Variants in KIF18A observed in about 807,000 individuals in gnomAD.
KIF18A encodes kinesin family member 18A.
In KIF18A, 67 loss-of-function variants were observed where a neutral mutation model predicts 103.3. The ratio of observed to expected loss-of-function variants is 0.65; its 90% CI spans 0.53 to 0.79. The LOEUF (loss-of-function observed/expected upper bound fraction) is 0.79, where lower values mean the gene tolerates loss of function less well. KIF18A is among the 30% of genes least tolerant of loss of function. The probability of loss-of-function intolerance (pLI) is 0.00; values close to 1 mark genes in which losing one functional copy is unlikely to be tolerated. For missense variants in KIF18A, 1,032 were observed against 1,062.5 expected (o/e 0.97, Z 0.40); for synonymous variants, 367 against 355.5 (o/e 1.03, Z -0.36).
At chr11:28,055,055 T>A (rs1850760912) in intron 13 of KIF18A, among the ~76,000 whole-genome samples, 3 of 152,120 alleles carry the variant, frequency 2.0e-5, no homozygotes, top group Admixed American at 1.3e-4. Flanking sequence ...AAAAAATGAA[T>A]CATGCCCGAA....
At chr11:28,025,369 G>A in intron 15 of KIF18A, among the ~76,000 whole-genome samples, 1 of 151,840 alleles carries the variant, frequency 6.6e-6, no homozygotes, top group Admixed American at 6.6e-5. Flanking sequence ...ATCATTTGGT[G>A]ATTTTATTTT....
intron 15 of KIF18A, 104 bp downstream of exon 15, chr11:28,035,283 T>C (rs1850469985): frequency 6.3e-6 from 3 of 477,624 alleles, no homozygotes; most frequent in South Asian, 7.0e-5. Flanking sequence ...TGCTTAAACA[T>C]GAATTGAGAG....
In KIF18A at chr11:28,033,771, C is replaced by T. The variant is rs563908636; in HGVS notation, c.2504+1616G>A. 2.4e-4 allele frequency among the ~76,000 whole-genome samples: 36 copies of T among 150,920 alleles called. 2 individuals are homozygous for T. Among genetic ancestry groups the T allele is most frequent in the African/African-American group, 5.6e-4 (23 of 41,190 alleles). ...GGGGGGATGCTTAATCTAAATATAA[C>T]GAATAAGATCTAGTATTTGATAGCA... On this transcript the variant is annotated intron_variant, in intron 15 of 16. Coordinates refer to ENST00000263181, the MANE Select transcript of KIF18A (RefSeq NM_031217.4).
intron 13 of KIF18A, among the ~76,000 whole-genome samples, chr11:28,056,321 G>A (rs1445372210): frequency 6.6e-6 from 1 of 151,794 alleles, no homozygotes; most frequent in Non-Finnish European, 1.5e-5. Context: ...TGGAAATATA[G>A]CGACTGAAAT....
intron 13 of KIF18A, among the ~76,000 whole-genome samples, chr11:28,050,703 A>G (rs1396922684): frequency 1.3e-5 from 2 of 151,848 alleles, no homozygotes; most frequent in Non-Finnish European, 2.9e-5. Context: ...ATTTAATGTC[A>G]GAAATTTTAT....
In KIF18A at chr11:28,026,365, A is replaced by G. The variant is rs1348887836; in HGVS notation, c.2505-2515T>C. ...TATATAAAGCTGCTAAATGGAAAATACCACAGTTTATTACTCTGAAGCGCA... is the reference window on the plus strand; with the variant it reads ...TATATAAAGCTGCTAAATGGAAAATGCCACAGTTTATTACTCTGAAGCGCA... On this transcript the variant is annotated intron_variant, in intron 15 of 16. Coordinates refer to ENST00000263181, the MANE Select transcript of KIF18A (RefSeq NM_031217.4). Among the ~76,000 whole-genome samples, 3 of 151,798 alleles carry G rather than the reference A, an allele frequency of 2.0e-5. No homozygotes were observed. In the East Asian group the frequency reaches 5.8e-4, roughly 29 times the overall value.
chr11:28,091,355 G>T, intron 4 of KIF18A, 54 bp downstream of exon 4: 1 of 941,690 alleles, frequency 1.1e-6, no homozygotes, highest in Non-Finnish European at 1.7e-6. Flanking sequence ...GGTGAAAATA[G>T]CTTAATAGTC....
chr11:28,101,463 T>C (rs1421792191), intron 1 of KIF18A, among the ~76,000 whole-genome samples: 2 of 152,122 alleles, frequency 1.3e-5, no homozygotes, highest in Admixed American at 6.5e-5. Context: ...TCATGACAAC[T>C]ATTACATGTT....
chr11:28,036,649 C>G lies in KIF18A; in HGVS notation c.1964G>C (p.Gly655Ala), dbSNP rs1327978894. The G allele has an allele frequency of 6.3e-7, 1 of 1,593,594 alleles. No individual in the cohort carries two copies. The highest frequency in any genetic ancestry group is 8.6e-7 in the Non-Finnish European group (1 of 1,168,254). The change falls in exon 14 of 17, where the codon GGA becomes GCA. Residue 655 changes from glycine to alanine, a missense_variant. Gly to Ala is a moderately conservative substitution (Grantham distance 60, BLOSUM62 0). Transcript: ENST00000263181. ...TGTAGGAATCTTAACCAGATTAGTT[C>G]CACCTGAAGATGAGCCTATTCAAAA... ...QPIPCCSSSG[G>A]TNLVKIPTEK...
At chr11:28,071,434 TTTTTA>T (rs1851011836) in intron 10 of KIF18A, among the ~76,000 whole-genome samples, 1 of 150,530 alleles carries the variant, frequency 6.6e-6, no homozygotes, top group Non-Finnish European at 1.5e-5. Context: ...CCACACATAA[TTTTTA>T]TTTTAATTAT....
At chr11:28,026,541 T>G (rs1850323764) in intron 15 of KIF18A, among the ~76,000 whole-genome samples, 2 of 151,938 alleles carry the variant, frequency 1.3e-5, no homozygotes, top group Admixed American at 1.3e-4. Context: ...AGAAATCAAG[T>G]TACTTTCTTT....
chr11:28,091,279 A>C (rs1851300962), intron 4 of KIF18A, 130 bp downstream of exon 4: 2 of 565,824 alleles, frequency 3.5e-6, no homozygotes, highest in Non-Finnish European at 6.3e-6. Context: ...AATATACCCT[A>C]ATCATTTAAA....
At chr11:28,055,263 A>G (rs923373153) in intron 13 of KIF18A, among the ~76,000 whole-genome samples, 5 of 152,208 alleles carry the variant, frequency 3.3e-5, no homozygotes, top group African/African-American at 4.8e-5. Flanking sequence ...ATAAAGATGG[A>G]GATAACTCAG....
At chr11:28,043,172 C>A (rs1271500187) in intron 13 of KIF18A, among the ~76,000 whole-genome samples, 1 of 151,640 alleles carries the variant, frequency 6.6e-6, no homozygotes, top group Admixed American at 6.6e-5. Context: ...TGTTTCAGTG[C>A]AGAAAAAAAA....
intron 10 of KIF18A, among the ~76,000 whole-genome samples, chr11:28,069,691 C>T (rs1850985441): frequency 6.9e-6 from 1 of 144,610 alleles, no homozygotes; most frequent in Admixed American, 6.9e-5. Flanking sequence ...AAGACTATAA[C>T]TTTTTTTTTT....
At chr11:28,053,117 C>T (rs1382652082) in intron 13 of KIF18A, among the ~76,000 whole-genome samples, 1 of 152,082 alleles carries the variant, frequency 6.6e-6, no homozygotes, top group East Asian at 1.9e-4. Flanking sequence ...AAAAAGACTG[C>T]ATAGGCATGA....
chr11:28,097,767 T>G lies in KIF18A; in HGVS notation c.181A>C (p.Asn61His), dbSNP rs11552119. 3 of 1,612,662 alleles carry G rather than the reference T, an allele frequency of 1.9e-6. No individual in the cohort carries two copies. The highest frequency in any genetic ancestry group is 1.7e-5 in the Admixed American group (1 of 59,924). Residue 61 changes from asparagine to histidine, a missense_variant, in exon 2 of 17, where the codon AAT becomes CAT. Asn to His is a moderately conservative substitution (Grantham distance 68, BLOSUM62 1). Coordinates refer to ENST00000263181, the MANE Select transcript of KIF18A (RefSeq NM_031217.4). ...VSFFHGKKTT[N>H]QNVIKKQNKD... is the part of the protein sequence containing the mutation. ...TTTTGTTTCTTTATAACATTTTGAT[T>G]TGTAGTTTTCTTTCCATGGAAAAAA...
intron 11 of KIF18A, among the ~76,000 whole-genome samples, chr11:28,063,282 C>T (rs575348093): frequency 4.6e-5 from 7 of 152,122 alleles, no homozygotes; most frequent in African/African-American, 1.4e-4. Flanking sequence ...CTCTTCAGTC[C>T]TTTCCAGTTA....
intron 13 of KIF18A, among the ~76,000 whole-genome samples, chr11:28,044,234 T>C (rs894776937): frequency 6.6e-6 from 1 of 152,024 alleles, no homozygotes; most frequent in Admixed American, 6.6e-5. Flanking sequence ...ATTAAATAAT[T>C]TCTTAATAAT....
Sources: gnomAD v4.1 joint callset for allele counts (sites outside exome capture counted in the v4.1 genomes callset) on GRCh38, gnomAD v4.1.1 for gene constraint, MANE v1.5 for transcripts, NCBI Gene and HGNC (gene_info 2026-07-23, HGNC 2026-07-21) for gene names.